The following COL4A4 variants were observed in gnomAD, a reference collection of about 807,000 sequenced individuals.
COL4A4 encodes collagen alpha-4(IV) chain.
Under a neutral mutation model 192.9 loss-of-function variants are expected in COL4A4, and 105 were observed. The ratio of observed to expected loss-of-function variants is 0.54; its 90% CI spans 0.46 to 0.64. COL4A4 has a LOEUF of 0.64. COL4A4 is among the 30% of genes least tolerant of loss of function. The pLI is 0.00. For synonymous variants in COL4A4, 762 were observed against 769.9 expected, an observed-to-expected ratio of 0.99 and a Z score of 0.17; for missense variants, 1,967 against 2,169.3, an observed-to-expected ratio of 0.91 and a Z score of 1.85.
chr2:227,113,093 G>A (rs2061310371), intron 8 of COL4A4, among the ~76,000 whole-genome samples: 1 of 152,152 alleles, frequency 6.6e-6, no homozygotes, highest in African/African-American at 2.4e-5. Context: ...GGAATTGCTG[G>A]ATCATATAGT....
chr2:227,124,589 T>A (rs926729133), intron 4 of COL4A4, among the ~76,000 whole-genome samples: 2 of 152,202 alleles, frequency 1.3e-5, no homozygotes, highest in African/African-American at 4.8e-5. Context: ...TAAAGGAAAC[T>A]TAAATACATA....
intron 44 of COL4A4, among the ~76,000 whole-genome samples, chr2:227,021,146 C>T (rs1219092181): frequency 1.3e-5 from 2 of 152,032 alleles, no homozygotes; most frequent in Non-Finnish European, 2.9e-5. Context: ...GGATTACAGG[C>T]GTGAGCCACT....
intron 25 of COL4A4, among the ~76,000 whole-genome samples, chr2:227,068,075 G>C (rs1380848891): frequency 6.9e-6 from 1 of 145,858 alleles, no homozygotes; most frequent in African/African-American, 2.6e-5. Context: ...TACCATCAGA[G>C]AATACTACAA....
chr2:227,008,980 C>A (rs755965610), intron 46 of COL4A4, among the ~76,000 whole-genome samples: 11 of 151,966 alleles, frequency 7.2e-5, no homozygotes, highest in Non-Finnish European at 1.6e-4. Flanking sequence ...TCTGGTTAGA[C>A]CAAGGTGGGA....
intron 3 of COL4A4, among the ~76,000 whole-genome samples, 172 bp downstream of exon 3, chr2:227,144,344 A>G (rs974285570): frequency 6.6e-6 from 1 of 152,260 alleles, no homozygotes; most frequent in Non-Finnish European, 1.5e-5. Context: ...TTCAGAAAGC[A>G]GTCTTGACTA....
At chr2:227,023,854 A>G (rs1190778984) in intron 43 of COL4A4, among the ~76,000 whole-genome samples, 1 of 152,118 alleles carries the variant, frequency 6.6e-6, no homozygotes, top group African/African-American at 2.4e-5. Flanking sequence ...TCTACTAAAA[A>G]TACAAAAATT....
chr2:227,113,644 T>A (rs1242821726), intron 8 of COL4A4, among the ~76,000 whole-genome samples: 2 of 152,186 alleles, frequency 1.3e-5, no homozygotes, highest in East Asian at 3.8e-4. Flanking sequence ...CCATCCTGGT[T>A]CCTAGAATGA....
At chr2:227,132,983 C>A (rs1408070943) in intron 4 of COL4A4, among the ~76,000 whole-genome samples, 1 of 151,886 alleles carries the variant, frequency 6.6e-6, no homozygotes, top group Non-Finnish European at 1.5e-5. Context: ...ATACTAAGTG[C>A]TTTCTATTTT....
chr2:226,976,769 G>C, the COL4A4 span, among the ~76,000 whole-genome samples: 1 of 152,176 alleles, frequency 6.6e-6, no homozygotes, highest in Non-Finnish European at 1.5e-5. Context: ...TGGGCCTATC[G>C]GGTAGGTGTC....
At chr2:227,153,507 C>T (rs562395543) in intron 1 of COL4A4, among the ~76,000 whole-genome samples, 12 of 152,254 alleles carry the variant, frequency 7.9e-5, no homozygotes, top group South Asian at 2.1e-4. Flanking sequence ...CCCAGCCACA[C>T]GGAAAGGCTC....
At position 227,102,838 on chromosome 2, in the gene COL4A4, C is replaced by A; in HGVS notation, c.881G>T (p.Gly294Val). 1 of 1,613,254 alleles carries A rather than the reference C, an allele frequency of 6.2e-7. No homozygotes were observed. Residue 294 changes from glycine to valine, a missense_variant, in exon 15 of 48, where the codon GGT becomes GTT. Physicochemically the swap from Gly to Val is moderately radical, Grantham distance 109. Coordinates refer to ENST00000396625, the MANE Select transcript of COL4A4 (RefSeq NM_000092.5). ...ACCTTTTTCTCCTTTTGCCCCAATA[C>A]CAGATTCTCCCTTTAAGAGATGACA... ...PGPPGRKGES[G>V]IGAKGEKGIP...
chr2:226,998,550 A>T (rs1960092041), downstream of COL4A4: 2 of 152,162 alleles, frequency 1.3e-5, no homozygotes, highest in Non-Finnish European at 2.9e-5. Flanking sequence ...CCTTCCCATG[A>T]ATCATTGCAG....
chr2:227,075,525 C>T (rs1015458839), intron 25 of COL4A4, among the ~76,000 whole-genome samples: 1 of 152,128 alleles, frequency 6.6e-6, no homozygotes, highest in Non-Finnish European at 1.5e-5. Flanking sequence ...AACCCATAGG[C>T]AATATCATAC....
At position 227,141,455 on chromosome 2, in the gene COL4A4, C is replaced by T. The variant is rs183646826; in HGVS notation, c.115-1217G>A. 1.3e-3 allele frequency among the ~76,000 whole-genome samples: 204 copies of T among 152,064 alleles called. 1 individual carries two copies. Among genetic ancestry groups the T allele is most frequent in the African/African-American group, 4.6e-3 (192 of 41,472 alleles). ...ATGTGTATATGTGAATATTCATGTA[C>T]GTATACATATATATGAACAGGTATA... On this transcript the variant is annotated intron_variant, in intron 3 of 47. Transcript: ENST00000396625.
Position 227,068,578 on chromosome 2 carries a change from A to C in COL4A4, c.1988-5980T>G, listed in dbSNP as rs1286118794. Among the ~76,000 whole-genome samples, 14 of 152,358 alleles carry C rather than the reference A, an allele frequency of 9.2e-5. No homozygotes were observed. In the South Asian group the frequency reaches 1.5e-3, roughly 16 times the overall value. ...CTGGTTCAATATACGCGAATCAATA[A>C]ATGTAATCCAGCATATAAACAGAAC... On this transcript the variant is annotated intron_variant, in intron 25 of 47. Transcript: ENST00000396625.
chr2:227,019,587 T>TA (rs1965581798), intron 44 of COL4A4, among the ~76,000 whole-genome samples: 1 of 152,246 alleles, frequency 6.6e-6, no homozygotes. Context: ...ACTGGGGTCC[T>TA]AGCAGTCCTG....
At chr2:227,031,701 A>T (rs1305886558) in intron 40 of COL4A4, among the ~76,000 whole-genome samples, 1 of 152,134 alleles carries the variant, frequency 6.6e-6, no homozygotes, top group Non-Finnish European at 1.5e-5. Flanking sequence ...TTCTAGCCTG[A>T]AGAGACGAGG....
chr2:226,994,654 T>C, the COL4A4 span, among the ~76,000 whole-genome samples: 126 of 152,322 alleles, frequency 8.3e-4, no homozygotes, highest in African/African-American at 2.8e-3. Context: ...ATGGGGAATA[T>C]TGAAGCTCTT....
intron 4 of COL4A4, among the ~76,000 whole-genome samples, chr2:227,131,444 C>T (rs554297055): frequency 2.5e-4 from 38 of 152,130 alleles, no homozygotes; most frequent in African/African-American, 8.9e-4. Flanking sequence ...CATGAGCCAA[C>T]CTACCCTGCC....
Sources: gnomAD v4.1 joint callset for allele counts (sites outside exome capture counted in the v4.1 genomes callset) on GRCh38, gnomAD v4.1.1 for gene constraint, MANE v1.5 for transcripts, NCBI Gene and HGNC (gene_info 2026-07-23, HGNC 2026-07-21) for gene names.